TRAF6: variants seen among roughly 807,000 people sequenced by gnomAD.
TRAF6 encodes the protein TNF receptor associated factor 6.
Under a neutral mutation model 48.4 loss-of-function variants are expected in TRAF6, and 10 were observed. The observed-to-expected ratio is 0.21, with a 90% CI of 0.13 to 0.35. The LOEUF is 0.35. Ranked by LOEUF, TRAF6 falls within the 10% of genes least tolerant of loss-of-function variation. The pLI is 1.00. For synonymous variants in TRAF6, 186 were observed against 219.6 expected (o/e 0.85, Z 1.35); for missense variants, 397 against 661.0 (o/e 0.60, Z 4.38).
At chr11:36,506,005 AC>A (rs1231268326) in intron 1 of TRAF6, among the ~76,000 whole-genome samples, 9 of 152,196 alleles carry the variant, frequency 5.9e-5, no homozygotes, top group Non-Finnish European at 1.0e-4. Flanking sequence ...ACTATAACAG[AC>A]ATAATAAAGT....
At chr11:36,498,253 C>T (rs1859667662) in intron 3 of TRAF6, among the ~76,000 whole-genome samples, 2 of 152,170 alleles carry the variant, frequency 1.3e-5, no homozygotes, top group African/African-American at 4.8e-5. Flanking sequence ...TGAAACAATA[C>T]TGATTTTTTA....
intron 1 of TRAF6, among the ~76,000 whole-genome samples, chr11:36,507,094 T>A (rs1051637078): frequency 6.7e-6 from 1 of 149,868 alleles, no homozygotes; most frequent in African/African-American, 2.4e-5. Context: ...CATAAATGTA[T>A]ATACGTGTAT....
chr11:36,485,921 T>C lies in TRAF6; in HGVS notation c.*3917A>G, dbSNP rs962588852. 3.3e-5 allele frequency among the ~76,000 whole-genome samples: 5 copies of C among 152,144 alleles called. No individual in the cohort carries two copies. The highest frequency in any genetic ancestry group is 9.7e-5 in the African/African-American group (4 of 41,390). Reference sequence around the variant, plus strand: ...AGTCCATCATGTCAATCTGGGAGTTTAGAAAAAGCACACTTCAAAATAAAA... The same window carrying C: ...AGTCCATCATGTCAATCTGGGAGTTCAGAAAAAGCACACTTCAAAATAAAA... On this transcript the variant is annotated 3_prime_UTR_variant, in exon 7 of 7. Coordinates refer to ENST00000526995, the MANE Select transcript of TRAF6 (RefSeq NM_004620.4).
In TRAF6 at chr11:36,502,271, T is replaced by C. The variant is rs189039547; in HGVS notation, c.-22-734A>G. On this transcript the variant is annotated intron_variant, in intron 1 of 6. Coordinates refer to ENST00000526995, the MANE Select transcript of TRAF6 (RefSeq NM_004620.4). Reference sequence around the variant, plus strand: ...AAGTGTATTTTTATGTCCTTCTGCCTTCAGTCAGGTCAAGTGACTATGTTT... The same window carrying C: ...AAGTGTATTTTTATGTCCTTCTGCCCTCAGTCAGGTCAAGTGACTATGTTT... Among the ~76,000 whole-genome samples, 9 of 152,344 alleles carry C rather than the reference T, an allele frequency of 5.9e-5. No homozygotes were observed. The East Asian group carries it at 1.5e-3, about 26-fold the overall frequency.
chr11:36,493,879 G>C (rs143075755), intron 5 of TRAF6, among the ~76,000 whole-genome samples: 3 of 152,288 alleles, frequency 2.0e-5, no homozygotes, highest in East Asian at 3.9e-4. Flanking sequence ...AAAGTTTTAA[G>C]GTTAACAAAC....
intron 3 of TRAF6, among the ~76,000 whole-genome samples, chr11:36,497,651 T>TA (rs5030455): frequency 0.011 from 1,612 of 152,302 alleles, 32 homozygotes; most frequent in African/African-American, 0.036. Flanking sequence ...TAATTTCTGG[T>TA]AAAAATCACC....
At chr11:36,498,243 T>C (rs1218622584) in intron 3 of TRAF6, among the ~76,000 whole-genome samples, 3 of 152,192 alleles carry the variant, frequency 2.0e-5, no homozygotes, top group African/African-American at 7.2e-5. Flanking sequence ...CAAAAGCTTA[T>C]GAAACAATAC....
intron 1 of TRAF6, among the ~76,000 whole-genome samples, chr11:36,507,682 TACATACACGAGCGTGTATATATGTATAC>T (rs1859820452): frequency 2.8e-5 from 2 of 70,600 alleles, no homozygotes; most frequent in Admixed American, 1.4e-4. Flanking sequence ...TATATATGTA[TACATACACGAGCGTGTATATATGTATAC>T]ATACACGCGC....
Position 36,486,790 on chromosome 11 carries a change from T to C in TRAF6, c.*3048A>G, listed in dbSNP as rs1859490829. On this transcript the variant is annotated 3_prime_UTR_variant, in exon 7 of 7. Coordinates refer to ENST00000526995, the MANE Select transcript of TRAF6 (RefSeq NM_004620.4). ...AATGTATGACGTGCAGCAAGTTTCA[T>C]CCAACAGTGGGTTGGACGCTGGGCG... Among the ~76,000 whole-genome samples the C allele has an allele frequency of 6.6e-6, 1 of 152,168 alleles. No individual in the cohort carries two copies. Among genetic ancestry groups the C allele is most frequent in the South Asian group, 2.1e-4 (1 of 4,830 alleles).
intron 6 of TRAF6, among the ~76,000 whole-genome samples, chr11:36,492,176 A>G (rs1276104334): frequency 6.6e-6 from 1 of 152,178 alleles, no homozygotes; most frequent in Non-Finnish European, 1.5e-5. Flanking sequence ...CAGCTCAGGT[A>G]CTAGTACCCC....
At position 36,486,284 on chromosome 11, in the gene TRAF6, C is replaced by T. The variant is rs1448281230; in HGVS notation, c.*3554G>A. Among the ~76,000 whole-genome samples, 1 of 152,160 alleles carries T rather than the reference C, an allele frequency of 6.6e-6. No homozygotes were observed. The highest frequency in any genetic ancestry group is 1.5e-5 in the Non-Finnish European group (1 of 68,046). ...GAACTCCTGGCTTCAAGTAATCCGC[C>T]AGCCTCCACCTCCCAAAGTGCTGGG... On this transcript the variant is annotated 3_prime_UTR_variant, in exon 7 of 7. Transcript: ENST00000526995.
rs145919673 is a variant in TRAF6, at chr11:36,503,822, T to C, written c.-22-2285A>G. Among the ~76,000 whole-genome samples, 373 of 152,270 alleles carry C rather than the reference T, an allele frequency of 2.4e-3. 2 individuals carry two copies. Among genetic ancestry groups the C allele is most frequent in the African/African-American group, 8.5e-3 (353 of 41,550 alleles). ...TGCTGTTATGCTACACTAGGGTATATATCCTTTGTTATTTTTATTCCCATA... is the reference window on the plus strand; with the variant it reads ...TGCTGTTATGCTACACTAGGGTATACATCCTTTGTTATTTTTATTCCCATA... On this transcript the variant is annotated intron_variant, in intron 1 of 6. Transcript: ENST00000526995.
chr11:36,490,928 A>G lies in TRAF6; in HGVS notation c.757-278T>C, dbSNP rs1218179422. On this transcript the variant is annotated intron_variant, in intron 6 of 6. Coordinates refer to ENST00000526995, the MANE Select transcript of TRAF6 (RefSeq NM_004620.4). The surrounding 1 kb of genome is among the most constrained non-coding windows in gnomAD (Gnocchi z 6.4). ...GTATTTACACACATCCTTCTTTTCTAACTGAGATGCCTGTCCTCTCCAAGA... is the reference window on the plus strand; with the variant it reads ...GTATTTACACACATCCTTCTTTTCTGACTGAGATGCCTGTCCTCTCCAAGA... Among the ~76,000 whole-genome samples, 1 of 152,118 alleles carries G rather than the reference A, an allele frequency of 6.6e-6. No individual in the cohort carries two copies. Among genetic ancestry groups the G allele is most frequent in the Non-Finnish European group, 1.5e-5 (1 of 68,024 alleles).
intron 5 of TRAF6, 28 bp from the exon 6 acceptor site, chr11:36,492,656 T>G: frequency 6.5e-7 from 1 of 1,540,626 alleles, no homozygotes; most frequent in Non-Finnish European, 8.9e-7. Context: ...GGCTGAAAAA[T>G]CTCTTCCTTG....
In TRAF6 at chr11:36,490,488, C is replaced by A; in HGVS notation, c.919G>T (p.Val307Leu). ...TCCCGGATTTGATGGTCTTGTCTTA[C>A]AAGGCGACCCTCTAACTGGTGAATA... The part of the protein sequence containing the change: ...ETIHQLEGRL[V>L]RQDHQIRELT... Residue 307 changes from valine (V) to leucine (L), a missense_variant, in exon 7 of 7, where the codon GTA (valine) becomes TTA (leucine). Val to Leu is a conservative substitution (Grantham distance 32, BLOSUM62 1). This residue lies in a region of TRAF6 where 245 missense variants were observed against 349.1 expected (regional missense o/e 0.70). Transcript: ENST00000526995. This position sits in a 1 kb window ranked among gnomAD's most constrained non-coding sequence, Gnocchi z 6.4. The A allele has an allele frequency of 6.2e-7, 1 of 1,613,678 alleles. No individual in the cohort carries two copies. Among genetic ancestry groups the A allele is most frequent in the Non-Finnish European group, 8.5e-7 (1 of 1,180,032 alleles).
At chr11:36,498,173 T>C (rs1859666587) in intron 3 of TRAF6, among the ~76,000 whole-genome samples, 1 of 152,120 alleles carries the variant, frequency 6.6e-6, no homozygotes, top group Non-Finnish European at 1.5e-5. Flanking sequence ...CGTGAGCCAC[T>C]GTGCCTGGCC....
chr11:36,498,851 T>A (rs1859677408), intron 2 of TRAF6, among the ~76,000 whole-genome samples: 2 of 152,246 alleles, frequency 1.3e-5, no homozygotes, highest in Admixed American at 1.3e-4. Context: ...AGCATACTGA[T>A]AACCTATCAA....
chr11:36,503,380 C>T (rs990008983), intron 1 of TRAF6, among the ~76,000 whole-genome samples: 3 of 151,844 alleles, frequency 2.0e-5, no homozygotes, highest in East Asian at 3.9e-4. Context: ...CTGCAACCCC[C>T]GCCTCTGGGT....
intron 1 of TRAF6, among the ~76,000 whole-genome samples, chr11:36,503,206 C>T (rs943007458): frequency 6.6e-6 from 1 of 151,990 alleles, no homozygotes; most frequent in Admixed American, 6.6e-5. Flanking sequence ...GCCACAGCTA[C>T]TATTAAACAT....
Sources: gnomAD v4.1 joint callset for allele counts (sites outside exome capture counted in the v4.1 genomes callset) on GRCh38, gnomAD v4.1.1 for gene constraint, gnomAD v4.1.1 regional missense constraint, Gnocchi (gnomAD v3.1) non-coding constraint, MANE v1.5 for transcripts, NCBI Gene and HGNC (gene_info 2026-07-23, HGNC 2026-07-21) for gene names.